FOXN1: variants seen among roughly 807,000 people sequenced by gnomAD.
FOXN1 encodes forkhead box protein N1.
Under a neutral mutation model 49.0 loss-of-function variants are expected in FOXN1, and 15 were observed. The observed-to-expected ratio is 0.31, with a 90% CI of 0.20 to 0.47. FOXN1 has a LOEUF of 0.47. Among genes scored for constraint, FOXN1 ranks in the 20% least tolerant of loss-of-function variants. The probability of loss-of-function intolerance (pLI) is 1.00; values close to 1 mark genes in which losing one functional copy is unlikely to be tolerated. For synonymous variants in FOXN1, 356 were observed against 369.0 expected (o/e 0.96, Z 0.40); for missense variants, 800 against 842.8 (o/e 0.95, Z 0.63).
chr17:28,515,502 C>A (rs960261221), intron 1 of FOXN1, among the ~76,000 whole-genome samples: 11 of 151,616 alleles, frequency 7.3e-5, no homozygotes, highest in African/African-American at 2.7e-4. Context: ...GGTGAACATA[C>A]TTCCACAAGT....
intron 6 of FOXN1, among the ~76,000 whole-genome samples, chr17:28,533,318 T>C (rs192577956): frequency 6.6e-6 from 1 of 152,164 alleles, no homozygotes; most frequent in African/African-American, 2.4e-5. Flanking sequence ...TCACAGAGCC[T>C]GGAACAGAGC....
chr17:28,524,412 C>G (rs954916377), intron 2 of FOXN1, 91 bp from the exon 3 acceptor site: 1 of 1,140,714 alleles, frequency 8.8e-7, no homozygotes, highest in African/African-American at 1.5e-5. Context: ...AGCCATAGAC[C>G]CCCTTTACCC....
Position 28,535,212 on chromosome 17 carries a change from G to T in FOXN1, c.1627+14G>T. On this transcript the variant is annotated intron_variant, in intron 8 of 8. Transcript: ENST00000579795. ...TCGACTTCCAGGGTGAGCTGGGGGT[G>T]GGAAAGGGAAGGTGGGACAGGACTG... 1 of 1,611,652 alleles carries T rather than the reference G, an allele frequency of 6.2e-7. No homozygotes were observed. The highest frequency in any genetic ancestry group is 8.5e-7 in the Non-Finnish European group (1 of 1,179,810).
At chr17:28,510,661 C>A (rs1408561586) in intron 1 of FOXN1, among the ~76,000 whole-genome samples, 2 of 152,096 alleles carry the variant, frequency 1.3e-5, no homozygotes, top group Non-Finnish European at 2.9e-5. Flanking sequence ...ACTTAGCACC[C>A]CTCCTCCACG....
chr17:28,507,293 C>G (rs1304371937), intron 1 of FOXN1, among the ~76,000 whole-genome samples: 1 of 152,180 alleles, frequency 6.6e-6, no homozygotes, highest in African/African-American at 2.4e-5. Flanking sequence ...TGGCATTCCC[C>G]GTGGAGTCCC....
At chr17:28,516,787 G>T (rs1363257964) in intron 1 of FOXN1, among the ~76,000 whole-genome samples, 3 of 100,202 alleles carry the variant, frequency 3.0e-5, no homozygotes, top group Non-Finnish European at 4.4e-5. Context: ...ACCTCAAAAG[G>T]GTACACATCT....
Position 28,537,820 on chromosome 17 carries a change from G to A in FOXN1, c.*384G>A, listed in dbSNP as rs1168647697. On this transcript the variant is annotated 3_prime_UTR_variant, in exon 9 of 9. Transcript: ENST00000579795. ...ACCAGCACTCCATCACTGAGAGCCC[G>A]ACTTCGTTTCTGGGGCAACTGAGAG... 1.5e-5 allele frequency: 5 copies of A among 336,804 alleles called. No homozygotes were observed. Among genetic ancestry groups the A allele is most frequent in the African/African-American group, 6.3e-5 (3 of 47,414 alleles). The allele number at this position is 336,804 out of a possible 1,614,324, so 20.9% of individuals were successfully genotyped here.
chr17:28,525,056 C>A, intron 3 of FOXN1, 89 bp downstream of exon 3: 1 of 1,029,122 alleles, frequency 9.7e-7, no homozygotes, highest in Non-Finnish European at 1.5e-6. Context: ...AGACCAAAGT[C>A]CCACCTTCTC....
rs1051852701 is a variant in FOXN1 at position 28,537,615 on chromosome 17, C to T, written c.*179C>T. On this transcript the variant is annotated 3_prime_UTR_variant, in exon 9 of 9. Transcript: ENST00000579795. ...GCAGAGGACATCACCTGGGGTGCTG[C>T]CTCTCACACATTTCTGCCACGTGGT... The T allele has an allele frequency of 6.1e-6, 4 of 654,504 alleles. No individual in the cohort carries two copies. The highest frequency in any genetic ancestry group is 1.1e-5 in the Non-Finnish European group (4 of 359,710). 40.5% of individuals were successfully genotyped at this position (654,504 alleles called of 1,614,324 possible). A position where few individuals can be genotyped will look rare whatever the true frequency, so the allele number is the denominator to read the frequency against.
intron 1 of FOXN1, among the ~76,000 whole-genome samples, chr17:28,517,370 G>GTA (rs2069538969): frequency 1.4e-5 from 2 of 139,890 alleles, no homozygotes; most frequent in African/African-American, 5.4e-5. Context: ...CCTCCACAGG[G>GTA]CAGACACCTC....
At chr17:28,520,651 C>T (rs118172714) in intron 1 of FOXN1, among the ~76,000 whole-genome samples, 2,869 of 152,298 alleles carry the variant, frequency 0.019, 31 homozygotes, top group Middle Eastern at 0.041. Context: ...TGAACTGAAG[C>T]CTCTGTTAAG....
At chr17:28,506,776 T>C in intron 1 of FOXN1, among the ~76,000 whole-genome samples, 1 of 152,196 alleles carries the variant, frequency 6.6e-6, no homozygotes, top group East Asian at 1.9e-4. Flanking sequence ...AAATGAGGAC[T>C]CAAAAGTGTT....
intron 8 of FOXN1, 87 bp from the exon 9 acceptor site, chr17:28,537,030 A>G (rs1014978605): frequency 2.0e-6 from 2 of 1,012,112 alleles, no homozygotes; most frequent in Non-Finnish European, 3.2e-6. Flanking sequence ...TGCTCTCTGC[A>G]GCATGTGAAG....
intron 1 of FOXN1, among the ~76,000 whole-genome samples, chr17:28,517,645 CAG>C (rs2069549937): frequency 5.1e-5 from 4 of 77,998 alleles, no homozygotes; most frequent in African/African-American, 1.2e-4. Flanking sequence ...CCACAGGGTA[CAG>C]ACCTCCACAG....
At chr17:28,536,927 G>C (rs190042257) in intron 8 of FOXN1, among the ~76,000 whole-genome samples, 190 bp from the exon 9 acceptor site, 4 of 151,888 alleles carry the variant, frequency 2.6e-5, no homozygotes. Context: ...TGTGCTACAC[G>C]GGAGGAGGAA....
At chr17:28,532,970 G>A (rs1259424578) in intron 6 of FOXN1, among the ~76,000 whole-genome samples, 1 of 152,172 alleles carries the variant, frequency 6.6e-6, no homozygotes, top group Non-Finnish European at 1.5e-5. Context: ...TCCCTAGTTG[G>A]CTGGTCTGGT....
In FOXN1 at chr17:28,524,806, G is replaced by A. The variant is rs1052421079; in HGVS notation, c.427G>A (p.Ala143Thr). The change falls in exon 3 of 9, where the codon GCC becomes ACC. Residue 143 changes from alanine to threonine, a missense_variant. By Grantham distance (58) the Ala-to-Thr change is moderately conservative. Transcript: ENST00000579795. ...DVFPEAETTL[A>T]LKGHSFKTPG... The stretch of plus-strand genomic sequence containing the variant: ...CTTCCCAGAGGCCGAGACCACCCTG[G>A]CCCTCAAAGGACACTCCTTTAAGAC... 8.1e-6 allele frequency: 13 copies of A among 1,613,522 alleles called. No homozygotes were observed. The highest frequency in any genetic ancestry group is 1.3e-5 in the African/African-American group (1 of 74,892).
rs544426654 is a variant in FOXN1 at position 28,538,699 on chromosome 17, C to G, written c.*1263C>G. On this transcript the variant is annotated 3_prime_UTR_variant, in exon 9 of 9. Coordinates refer to ENST00000579795, the MANE Select transcript of FOXN1 (RefSeq NM_001369369.1). Reference sequence around the variant, plus strand: ...GTGCCCGGGAAGCACAAGGGATACCCTTGGCCCTGCGGGGTGTGGCCCAGG... The same window carrying G: ...GTGCCCGGGAAGCACAAGGGATACCGTTGGCCCTGCGGGGTGTGGCCCAGG... 6.6e-6 allele frequency: 1 copy of G among 152,366 alleles called. No individual in the cohort carries two copies. The highest frequency in any genetic ancestry group is 6.5e-5 in the Admixed American group (1 of 15,306). The allele number at this position is 152,366 out of a possible 1,614,324, so 9.4% of individuals were successfully genotyped here. A position where few individuals can be genotyped will look rare whatever the true frequency, so the allele number is the denominator to read the frequency against.
rs1313905410 is a variant in FOXN1 at position 28,524,052 on chromosome 17, T to C, written c.83T>C (p.Met28Thr). 6.2e-6 allele frequency: 10 copies of C among 1,611,004 alleles called. No homozygotes were observed. Among genetic ancestry groups the C allele is most frequent in the Non-Finnish European group, 7.6e-6 (9 of 1,179,584 alleles). ...RLEGERQGDLMQAPGLPGSPA... is the reference protein window; with the variant it reads ...RLEGERQGDLTQAPGLPGSPA... ...GAGGGCGAGCGCCAAGGGGACCTCATGCAGGCACCGGGCCTCCCAGGCTCC... is the reference window on the plus strand; with the variant it reads ...GAGGGCGAGCGCCAAGGGGACCTCACGCAGGCACCGGGCCTCCCAGGCTCC... The change falls in exon 2 of 9, where the codon ATG becomes ACG. Residue 28 changes from methionine (M) to threonine (T), a missense_variant. Around this residue, in one of 3 missense-constraint regions of FOXN1, gnomAD observed 383 missense variants for 357.9 expected, o/e 1.07. Coordinates refer to ENST00000579795, the MANE Select transcript of FOXN1 (RefSeq NM_001369369.1).
Sources: allele counts gnomAD v4.1 joint callset (sites outside exome capture counted in the v4.1 genomes callset), GRCh38; gene constraint gnomAD v4.1.1; regional missense constraint gnomAD v4.1.1; transcripts MANE v1.5; gene names NCBI Gene and HGNC (gene_info 2026-07-23, HGNC 2026-07-21).